ZC3H4: variants seen among roughly 807,000 people sequenced by gnomAD.
ZC3H4 encodes the protein zinc finger CCCH domain-containing protein 4.
A neutral mutation model predicts 108.3 loss-of-function variants in ZC3H4; 13 were observed. The observed-to-expected ratio is 0.12, with a 90% CI of 0.08 to 0.19. The LOEUF (loss-of-function observed/expected upper bound fraction) is 0.19, where lower values mean the gene tolerates loss of function less well. ZC3H4 is among the 10% of genes least tolerant of loss of function. The pLI, the probability that ZC3H4 is intolerant of heterozygous loss-of-function variation, is 1.00. For missense variants in ZC3H4, 1,734 were observed against 1,838.8 expected (o/e 0.94, Z 1.04); for synonymous variants, 917 against 749.6 (o/e 1.22, Z -3.65).
intron 14 of ZC3H4, 63 bp downstream of exon 14, chr19:47,069,029 C>T (rs1322437592): frequency 2.5e-6 from 4 of 1,596,100 alleles, no homozygotes; most frequent in African/African-American, 1.3e-5. Context: ...AACACCCCAC[C>T]ACCGCCGCTC....
In ZC3H4 at chr19:47,069,353, G is replaced by A. The variant is rs1276154550; in HGVS notation, c.2147-10C>T. 1.2e-6 allele frequency: 2 copies of A among 1,610,168 alleles called. No homozygotes were observed. The highest frequency in any genetic ancestry group is 2.7e-5 in the African/African-American group (2 of 74,846). On this transcript the variant is annotated splice_polypyrimidine_tract_variant and intron_variant, in intron 13 of 14. Coordinates refer to ENST00000253048, the MANE Select transcript of ZC3H4 (RefSeq NM_015168.2). ...TAGTGCCCGTAGTCCTCTGTGGCAG[G>A]GAAGAACCGAGGGTTCATGTCGGGA... is the stretch of plus-strand genomic sequence containing the variant.
chr19:47,099,821 T>TA (rs34876026), intron 2 of ZC3H4, among the ~76,000 whole-genome samples: 1,359 of 102,986 alleles, frequency 0.013, 11 homozygotes, highest in African/African-American at 0.023. Flanking sequence ...TACAAGAGTT[T>TA]AAAAAAAAAA....
chr19:47,082,287 G>A lies in ZC3H4; in HGVS notation c.1227C>T (p.His409=), dbSNP rs1323422528. ...GTTCGATGTCATGGCTAAAATTACA[G>A]TGGTCTCCCTAGAAGAGAAGCAACA... The part of the protein sequence containing the change: ...FVEGRCTWGD[H]CNFSHDIELP... Residue 409 remains histidine (H), a synonymous_variant, in exon 10 of 15, where the codon CAC becomes CAT. Transcript: ENST00000253048. The A allele has an allele frequency of 1.2e-6, 2 of 1,612,382 alleles. No homozygotes were observed. The highest frequency in any genetic ancestry group is 1.3e-5 in the African/African-American group (1 of 74,906).
chr19:47,111,257 CCTT>C lies in ZC3H4; in HGVS notation c.161+1164_161+1166del, dbSNP rs2058035123. 3.9e-5 allele frequency among the ~76,000 whole-genome samples: 6 copies of C among 152,350 alleles called. No homozygotes were observed. The South Asian group carries it at 1.2e-3, about 32-fold the overall frequency. On this transcript the variant is annotated intron_variant, in intron 2 of 14. Coordinates refer to ENST00000253048, the MANE Select transcript of ZC3H4 (RefSeq NM_015168.2). ...AGTGGGCGAACCCTGCACCCCAACT[CCTT>C]CTGCTCGAGCAGGGGAAGGAAACGG...
At chr19:47,111,164 G>A (rs1568572704) in intron 2 of ZC3H4, among the ~76,000 whole-genome samples, 1 of 152,084 alleles carries the variant, frequency 6.6e-6, no homozygotes, top group South Asian at 2.1e-4. Flanking sequence ...CTTTCCTGCC[G>A]GCTGAAACCC....
chr19:47,097,978 T>A (rs2057849775), intron 2 of ZC3H4, among the ~76,000 whole-genome samples: 1 of 152,150 alleles, frequency 6.6e-6, no homozygotes, highest in Non-Finnish European at 1.5e-5. Flanking sequence ...CTGGCCCCCA[T>A]GAGGAAATGG....
At chr19:47,078,419 G>A (rs1600021246) in intron 11 of ZC3H4, among the ~76,000 whole-genome samples, 2 of 151,802 alleles carry the variant, frequency 1.3e-5, no homozygotes, top group Admixed American at 1.3e-4. Context: ...AGGAGGCGGA[G>A]GTTGCAGTGA....
At chr19:47,112,364 T>TTCCTCC in intron 2 of ZC3H4, 60 bp downstream of exon 2, 2 of 1,221,088 alleles carry the variant, frequency 1.6e-6, no homozygotes, top group African/African-American at 1.6e-5. Flanking sequence ...GCCGCCCCCC[T>TTCCTCC]TCCTCCTCCT....
At position 47,094,385 on chromosome 19, in the gene ZC3H4, C is replaced by T. The variant is rs376716944; in HGVS notation, c.381+4G>A. On this transcript the variant is annotated splice_donor_region_variant and intron_variant, in intron 3 of 14. Coordinates refer to ENST00000253048, the MANE Select transcript of ZC3H4 (RefSeq NM_015168.2). ...GTGGCAGTCCCAGGGGATCTCCGAC[C>T]TACTTTGTGCTTGGATTTCCTCCTC... is the stretch of plus-strand genomic sequence containing the variant. 456 of 1,613,844 alleles carry T rather than the reference C, an allele frequency of 2.8e-4. No homozygotes were observed. The highest frequency in any genetic ancestry group is 3.6e-4 in the Non-Finnish European group (428 of 1,180,018).
chr19:47,064,754 A>C lies in ZC3H4; in HGVS notation c.*1602T>G, dbSNP rs560909169. ...AAAAAAAAAAAAAAGACAAAAAGAC[A>C]AACCAACCAACCAGATCCCAGCACT... is the stretch of plus-strand genomic sequence containing the variant. On this transcript the variant is annotated 3_prime_UTR_variant, in exon 15 of 15. Coordinates refer to ENST00000253048, the MANE Select transcript of ZC3H4 (RefSeq NM_015168.2). The C allele has an allele frequency of 4.0e-5, 6 of 151,320 alleles. No homozygotes were observed. The highest frequency in any genetic ancestry group is 7.4e-5 in the Non-Finnish European group (5 of 67,820). 9.4% of individuals were successfully genotyped at this position (151,320 alleles called of 1,614,324 possible). A position where few individuals can be genotyped will look rare whatever the true frequency, so the allele number is the denominator to read the frequency against.
chr19:47,078,336 C>T (rs999521507), intron 11 of ZC3H4, among the ~76,000 whole-genome samples: 1 of 151,374 alleles, frequency 6.6e-6, no homozygotes, highest in African/African-American at 2.4e-5. Context: ...TAGCCAGGCA[C>T]GGACGGGCAT....
chr19:47,073,521 G>A (rs767282612), intron 11 of ZC3H4, among the ~76,000 whole-genome samples: 13 of 151,840 alleles, frequency 8.6e-5, no homozygotes, highest in African/African-American at 2.2e-4. Context: ...CCAGTGAGCC[G>A]AGATCACACT....
intron 13 of ZC3H4, 99 bp downstream of exon 13, chr19:47,071,677 CAA>C (rs2057327783): frequency 3.1e-6 from 4 of 1,294,570 alleles, no homozygotes; most frequent in Admixed American, 5.3e-5. Flanking sequence ...GTCATGCTTT[CAA>C]AGAGACTTGG....
chr19:47,108,121 A>G (rs902943185), intron 2 of ZC3H4, among the ~76,000 whole-genome samples: 1 of 152,104 alleles, frequency 6.6e-6, no homozygotes, highest in African/African-American at 2.4e-5. Context: ...ATAAATACCA[A>G]TTGCCAGAAA....
rs547131354 is a variant in ZC3H4 at position 47,084,599 on chromosome 19, C to T, written c.1108-144G>A. 45 of 766,842 alleles carry T rather than the reference C, an allele frequency of 5.9e-5. No individual in the cohort carries two copies. The East Asian group carries it at 6.2e-4, about 11-fold the overall frequency. 47.5% of individuals were successfully genotyped at this position (766,842 alleles called of 1,614,324 possible). A position where few individuals can be genotyped will look rare whatever the true frequency, so the allele number is the denominator to read the frequency against. On this transcript the variant is annotated intron_variant, in intron 8 of 14. Transcript: ENST00000253048. ...ACCGATGGGCAGGCTGCATCTAACACGGAGGCTGCGTGCACCTTATAAGCC... is the reference window on the plus strand; with the variant it reads ...ACCGATGGGCAGGCTGCATCTAACATGGAGGCTGCGTGCACCTTATAAGCC...
chr19:47,086,265 T>C, intron 6 of ZC3H4, 119 bp downstream of exon 6: 1 of 1,185,138 alleles, frequency 8.4e-7, no homozygotes, highest in Non-Finnish European at 1.2e-6. Flanking sequence ...AGGCTTCCCT[T>C]CCTTCAGAAG....
intron 2 of ZC3H4, chr19:47,096,871 C>A: frequency 1.0e-6 from 1 of 985,424 alleles, no homozygotes; most frequent in Non-Finnish European, 1.2e-6. Flanking sequence ...GCTGGGTCAG[C>A]TGAGCCGGAG....
Position 47,090,160 on chromosome 19 carries a change from G to A in ZC3H4, c.522C>T (p.Ala174=). The A allele has an allele frequency of 3.7e-6, 6 of 1,614,228 alleles. No individual in the cohort carries two copies. The South Asian group carries it at 5.5e-5, about 15-fold the overall frequency. ...PSHQQYPPSH[A]TPLPKKAYSK... ...AGTATGCCTTCTTGGGCAGGGGCGT[G>A]GCATGCGATGGGGGGTACTGCTGGT... Residue 174 remains alanine, a synonymous_variant, in exon 5 of 15, where the codon GCC becomes GCT. Transcript: ENST00000253048.
Position 47,072,731 on chromosome 19 carries a change from C to G in ZC3H4, c.1441-18G>C. The G allele has an allele frequency of 6.2e-7, 1 of 1,612,414 alleles. No homozygotes were observed. The highest frequency in any genetic ancestry group is 1.7e-5 in the Admixed American group (1 of 59,946). ...GCCAACATCTGCGGGTGTGAAAGAA[C>G]AAAAGAAGGTGTGGACGGGGTCAGG... is the stretch of plus-strand genomic sequence containing the variant. On this transcript the variant is annotated intron_variant, in intron 11 of 14. Transcript: ENST00000253048. The surrounding 1 kb of genome is among the most constrained non-coding windows in gnomAD (Gnocchi z 5.6).
Sources: allele counts gnomAD v4.1 joint callset (sites outside exome capture counted in the v4.1 genomes callset), GRCh38; gene constraint gnomAD v4.1.1; non-coding constraint Gnocchi (gnomAD v3.1); transcripts MANE v1.5; gene names NCBI Gene and HGNC (gene_info 2026-07-23, HGNC 2026-07-21).